PTPRN2: variants seen among roughly 807,000 people sequenced by gnomAD.
PTPRN2 encodes the protein protein tyrosine phosphatase receptor type N2, also known as receptor-type tyrosine-protein phosphatase N2.
PTPRN2 carries 74 observed loss-of-function variants against 118.8 expected under a neutral mutation model. The observed-to-expected ratio is 0.62, with a 90% confidence interval of 0.52 to 0.76. The LOEUF is 0.76. Among genes scored for constraint, PTPRN2 ranks in the 30% least tolerant of loss-of-function variants. PTPRN2 has a pLI of 0.00. For missense variants in PTPRN2, 1,481 were observed against 1,394.4 expected, an observed-to-expected ratio of 1.06 and a Z score of -0.99; for synonymous variants, 641 against 608.0, an observed-to-expected ratio of 1.05 and a Z score of -0.80.
chr7:158,145,824 G>C (rs754573075), intron 6 of PTPRN2, among the ~76,000 whole-genome samples: 8 of 152,140 alleles, frequency 5.3e-5, no homozygotes, highest in Non-Finnish European at 1.0e-4. Context: ...CCCTGCCCTG[G>C]GGGATGCCAG....
rs533869600 is a variant in PTPRN2, at chr7:158,062,875, G to A, written c.1723+18423C>T. 3.9e-5 allele frequency among the ~76,000 whole-genome samples: 6 copies of A among 152,278 alleles called. No individual in the cohort carries two copies. In the East Asian group the frequency reaches 7.7e-4, roughly 20 times the overall value. On this transcript the variant is annotated intron_variant, in intron 11 of 22. Transcript: ENST00000389418. Reference sequence around the variant, plus strand: ...TCCCCTTCGCCATGGGCTCCTGTGCGGCCTGAGCCTCCCCGACAAGCGCCG... The same window carrying A: ...TCCCCTTCGCCATGGGCTCCTGTGCAGCCTGAGCCTCCCCGACAAGCGCCG...
chr7:157,668,223 G>A (rs976865307), intron 13 of PTPRN2, among the ~76,000 whole-genome samples: 3 of 152,206 alleles, frequency 2.0e-5, no homozygotes, highest in African/African-American at 2.4e-5. Flanking sequence ...GATTCTGGGG[G>A]CAGAAATTCA....
At chr7:158,039,757 A>T (rs1291357747) in intron 11 of PTPRN2, among the ~76,000 whole-genome samples, 1 of 152,240 alleles carries the variant, frequency 6.6e-6, no homozygotes, top group Non-Finnish European at 1.5e-5. Flanking sequence ...AGGGAAAAAA[A>T]TCACAAAGAG....
intron 1 of PTPRN2, among the ~76,000 whole-genome samples, chr7:158,549,006 G>A (rs933286704): frequency 6.6e-6 from 1 of 152,192 alleles, no homozygotes; most frequent in Admixed American, 6.5e-5. Context: ...AGTTGGCCTT[G>A]AGCTCCCTCC....
chr7:157,643,206 T>G (rs1303466035), intron 14 of PTPRN2, among the ~76,000 whole-genome samples: 4 of 152,232 alleles, frequency 2.6e-5, no homozygotes, highest in African/African-American at 7.2e-5. Flanking sequence ...GGGGCCAGCA[T>G]GGCAGCAGGG....
chr7:158,264,698 T>C (rs926894647), intron 3 of PTPRN2, among the ~76,000 whole-genome samples: 1 of 152,100 alleles, frequency 6.6e-6, no homozygotes, highest in Non-Finnish European at 1.5e-5. Flanking sequence ...GTGGGCTCTC[T>C]CCTAATGCTC....
chr7:158,171,315 A>ATG (rs1823660429), intron 5 of PTPRN2, among the ~76,000 whole-genome samples: 1 of 106,304 alleles, frequency 9.4e-6, no homozygotes, highest in Non-Finnish European at 1.9e-5. Context: ...ACACATATAT[A>ATG]TATATATATA....
chr7:158,146,464 G>C (rs1026965712), intron 6 of PTPRN2, among the ~76,000 whole-genome samples: 4 of 152,092 alleles, frequency 2.6e-5, no homozygotes, highest in East Asian at 1.9e-4. Flanking sequence ...GCTCACACCT[G>C]TAATCCCAGC....
chr7:157,979,723 G>T (rs1802995668), intron 11 of PTPRN2, among the ~76,000 whole-genome samples: 2 of 152,240 alleles, frequency 1.3e-5, no homozygotes, highest in South Asian at 2.1e-4. Flanking sequence ...GCTCTCTGCA[G>T]GGGGTGCCGC....
At chr7:157,739,872 C>A (rs188007530) in intron 12 of PTPRN2, among the ~76,000 whole-genome samples, 85 of 152,346 alleles carry the variant, frequency 5.6e-4, no homozygotes, top group African/African-American at 1.6e-3. Context: ...CATTCCACCC[C>A]CTCTGCGTGC....
At chr7:158,191,595 C>G (rs1825770137) in intron 5 of PTPRN2, among the ~76,000 whole-genome samples, 1 of 152,156 alleles carries the variant, frequency 6.6e-6, no homozygotes, top group Non-Finnish European at 1.5e-5. Flanking sequence ...AAAATCATGC[C>G]TGCTTTTCCA....
intron 10 of PTPRN2, among the ~76,000 whole-genome samples, chr7:158,087,291 G>C (rs963976977): frequency 1.3e-5 from 2 of 152,232 alleles, no homozygotes; most frequent in African/African-American, 4.8e-5. Flanking sequence ...TGATACAAGG[G>C]AGGGGACTGT....
rs547532645 is a variant in PTPRN2, at chr7:158,396,747, C to T, written c.164-79815G>A. Among the ~76,000 whole-genome samples, 23 of 152,322 alleles carry T rather than the reference C, an allele frequency of 1.5e-4. No individual in the cohort carries two copies. In the South Asian group the frequency reaches 1.7e-3, roughly 11 times the overall value. On this transcript the variant is annotated intron_variant, in intron 2 of 22. Transcript: ENST00000389418. ...GTGTGCGCATACCATCTCCCCAAGC[C>T]GCCTCCACCTGCACACACCAGCGGT... is the stretch of plus-strand genomic sequence containing the variant.
chr7:158,532,719 C>G (rs117344178), intron 1 of PTPRN2: 1 of 534,498 alleles, frequency 1.9e-6, no homozygotes, highest in Non-Finnish European at 3.8e-6. Context: ...AAACCAGCAA[C>G]AGGCGCTTCC....
chr7:157,910,228 A>G (rs1192210509), intron 11 of PTPRN2, among the ~76,000 whole-genome samples: 3 of 151,200 alleles, frequency 2.0e-5, no homozygotes, highest in Non-Finnish European at 4.4e-5. Context: ...CACCGTGGGA[A>G]CGGGCGCAGG....
At chr7:158,327,503 TCA>T (rs1054370071) in intron 2 of PTPRN2, among the ~76,000 whole-genome samples, 1 of 151,816 alleles carries the variant, frequency 6.6e-6, no homozygotes, top group African/African-American at 2.4e-5. Context: ...GCACAAGTTC[TCA>T]CACACATGAA....
intron 1 of PTPRN2, among the ~76,000 whole-genome samples, chr7:158,492,799 C>A (rs979593707): frequency 6.6e-6 from 1 of 152,252 alleles, no homozygotes; most frequent in African/African-American, 2.4e-5. Flanking sequence ...AAGACATTTT[C>A]TCTGGCAGAC....
intron 3 of PTPRN2, among the ~76,000 whole-genome samples, chr7:158,218,450 A>G (rs1178669242): frequency 6.6e-6 from 1 of 152,192 alleles, no homozygotes; most frequent in Admixed American, 6.5e-5. Flanking sequence ...AGTGCTAAAC[A>G]TGGAAACAAG....
intron 12 of PTPRN2, among the ~76,000 whole-genome samples, chr7:157,767,609 C>T (rs1191400358): frequency 2.0e-5 from 3 of 152,342 alleles, no homozygotes; most frequent in Middle Eastern, 3.4e-3. Flanking sequence ...CTGGCCAGGG[C>T]GACCGCTCTT....
Sources: gnomAD v4.1 joint callset for allele counts (sites outside exome capture counted in the v4.1 genomes callset) on GRCh38, gnomAD v4.1.1 for gene constraint, MANE v1.5 for transcripts, NCBI Gene and HGNC (gene_info 2026-07-23, HGNC 2026-07-21) for gene names.